Variants in FGF12 observed in about 807,000 individuals in gnomAD.
The protein encoded by FGF12 is fibroblast growth factor 12B.
Under a neutral mutation model 23.6 loss-of-function variants are expected in FGF12, and 14 were observed. The ratio of observed to expected loss-of-function variants is 0.59; its 90% CI spans 0.39 to 0.93. The LOEUF (loss-of-function observed/expected upper bound fraction) is 0.93, where lower values mean the gene tolerates loss of function less well. FGF12 is among the 40% of genes least tolerant of loss of function. The probability of loss-of-function intolerance (pLI) is 0.00; values close to 1 mark genes in which losing one functional copy is unlikely to be tolerated. For synonymous variants in FGF12, 62 were observed against 77.3 expected (o/e 0.80, Z 1.04); for missense variants, 175 against 217.8 (o/e 0.80, Z 1.24).
At chr3:192,265,251 T>C (rs1157828312) in intron 4 of FGF12, 1 of 152,166 alleles carries the variant, frequency 6.6e-6, no homozygotes, top group Non-Finnish European at 1.5e-5. Context: ...TTTCAGCAGA[T>C]GCATCTGTGT....
At position 192,472,191 on chromosome 3, in the gene FGF12, C is replaced by T. The variant is rs371789075; in HGVS notation, c.14-111653G>A. ...GCCACCACGCCCGGCTAATTTTATG[C>T]ATTTTTAGTAGAGACGGGGTTTCAC... is the stretch of plus-strand genomic sequence containing the variant. On this transcript the variant is annotated intron_variant, in intron 2 of 5. Coordinates refer to ENST00000445105, the MANE Select transcript of FGF12 (RefSeq NM_004113.6). Among the ~76,000 whole-genome samples the T allele has an allele frequency of 2.6e-3, 400 of 152,058 alleles. 5 individuals carry two copies. Among genetic ancestry groups the T allele is most frequent in the African/African-American group, 9.2e-3 (380 of 41,500 alleles).
intron 2 of FGF12, among the ~76,000 whole-genome samples, chr3:192,415,735 C>T (rs2692701): frequency 0.092 from 11,845 of 129,300 alleles, 535 homozygotes; most frequent in African/African-American, 0.099. Context: ...CTCTCTCTCA[C>T]ACACACACAC....
rs189166191 is a variant in FGF12 at position 192,277,464 on chromosome 3, C to A, written c.228+57897G>T. On this transcript the variant is annotated intron_variant, in intron 4 of 5. Transcript: ENST00000445105. ...AGTAAAGACGGTTTTCAAGGGAAACCAAAGAATGATGCTTGGTCTGCAGTG... is the reference window on the plus strand; with the variant it reads ...AGTAAAGACGGTTTTCAAGGGAAACAAAAGAATGATGCTTGGTCTGCAGTG... 4.6e-5 allele frequency among the ~76,000 whole-genome samples: 7 copies of A among 152,266 alleles called. No individual in the cohort carries two copies. In the East Asian group the frequency reaches 9.7e-4, roughly 21 times the overall value.
intron 4 of FGF12, among the ~76,000 whole-genome samples, chr3:192,253,387 A>C (rs1036174150): frequency 6.6e-6 from 1 of 152,062 alleles, no homozygotes; most frequent in Non-Finnish European, 1.5e-5. Flanking sequence ...CGCATATTAC[A>C]TAAGTACTTA....
intron 4 of FGF12, among the ~76,000 whole-genome samples, chr3:192,242,312 C>T (rs994539294): frequency 1.3e-5 from 2 of 152,152 alleles, no homozygotes; most frequent in Non-Finnish European, 2.9e-5. Flanking sequence ...TGGGAGCTGT[C>T]CTGTTCATTA....
chr3:192,570,229 TG>T (rs1013705533), intron 2 of FGF12, among the ~76,000 whole-genome samples: 4 of 152,130 alleles, frequency 2.6e-5, no homozygotes, highest in Middle Eastern at 3.4e-3. Context: ...TTGTTTTCCA[TG>T]GGGGGGAGGG....
intron 2 of FGF12, among the ~76,000 whole-genome samples, chr3:192,568,277 C>T (rs569194004): frequency 5.2e-4 from 79 of 152,228 alleles, no homozygotes; most frequent in South Asian, 4.4e-3. Flanking sequence ...GTTTAAGACA[C>T]GGGGAAATCT....
chr3:192,720,910 GA>G (rs1447942148), intron 2 of FGF12, among the ~76,000 whole-genome samples: 3 of 152,176 alleles, frequency 2.0e-5, no homozygotes, highest in African/African-American at 7.2e-5. Flanking sequence ...CCCCGATTAA[GA>G]CCATTGTTAG....
At chr3:192,339,677 C>G (rs1560076852) in intron 3 of FGF12, among the ~76,000 whole-genome samples, 1 of 152,172 alleles carries the variant, frequency 6.6e-6, no homozygotes, top group African/African-American at 2.4e-5. Context: ...CCTTGTTGAA[C>G]TCCCCCATGA....
At chr3:192,268,788 G>T in intron 4 of FGF12, 1 of 350,532 alleles carries the variant, frequency 2.9e-6, no homozygotes, top group Non-Finnish European at 5.8e-6. Flanking sequence ...AAATTACCCA[G>T]TCTCAAGTAT....
chr3:192,199,388 G>A (rs1266589760), intron 4 of FGF12, among the ~76,000 whole-genome samples: 1 of 152,174 alleles, frequency 6.6e-6, no homozygotes, highest in East Asian at 1.9e-4. Context: ...CATCATAACA[G>A]TTCAGATCAG....
chr3:192,640,996 G>A (rs1364774752), intron 2 of FGF12, among the ~76,000 whole-genome samples: 1 of 151,092 alleles, frequency 6.6e-6, no homozygotes, highest in Non-Finnish European at 1.5e-5. Context: ...TTATTTTTTT[G>A]TAGAGACAGA....
chr3:192,502,789 A>G (rs1289499799), intron 2 of FGF12, among the ~76,000 whole-genome samples: 2 of 152,256 alleles, frequency 1.3e-5, no homozygotes, highest in Non-Finnish European at 2.9e-5. Flanking sequence ...CCTAATTGCT[A>G]GAGGAAACAA....
intron 2 of FGF12, among the ~76,000 whole-genome samples, chr3:192,426,379 GA>G (rs1474990358): frequency 6.6e-6 from 1 of 152,152 alleles, no homozygotes; most frequent in Non-Finnish European, 1.5e-5. Context: ...TTGTCAGAGG[GA>G]AAAATATCAC....
chr3:192,274,693 T>C (rs1713670584), intron 4 of FGF12, among the ~76,000 whole-genome samples: 1 of 152,220 alleles, frequency 6.6e-6, no homozygotes, highest in Admixed American at 6.5e-5. Flanking sequence ...GTGAATACTT[T>C]AAGGATACGT....
chr3:192,672,180 G>A (rs1325975639), intron 2 of FGF12, among the ~76,000 whole-genome samples: 2 of 139,808 alleles, frequency 1.4e-5, no homozygotes, highest in Non-Finnish European at 3.3e-5. Flanking sequence ...TCTCATAGTT[G>A]TGAGAAGAGC....
chr3:192,589,180 C>CA (rs1713518434), intron 2 of FGF12, among the ~76,000 whole-genome samples: 2 of 151,612 alleles, frequency 1.3e-5, no homozygotes, highest in Admixed American at 1.3e-4. Context: ...ACTAAAAACA[C>CA]AAAAAATAGC....
intron 2 of FGF12, among the ~76,000 whole-genome samples, chr3:192,479,646 C>T (rs1030504513): frequency 6.6e-6 from 1 of 152,092 alleles, no homozygotes; most frequent in East Asian, 1.9e-4. Flanking sequence ...AGTCTACTAA[C>T]CTAGTCTGGT....
intron 2 of FGF12, among the ~76,000 whole-genome samples, chr3:192,384,352 C>T (rs3109183): frequency 0.51 from 78,018 of 151,632 alleles, 20,345 homozygotes; most frequent in African/African-American, 0.6. Context: ...TTTATAAAGA[C>T]TTAAGCATAT....
Sources: allele counts gnomAD v4.1 joint callset (sites outside exome capture counted in the v4.1 genomes callset), GRCh38; gene constraint gnomAD v4.1.1; transcripts MANE v1.5; gene names NCBI Gene and HGNC (gene_info 2026-07-23, HGNC 2026-07-21).